The following MCC variants were observed in gnomAD, a reference collection of about 807,000 sequenced individuals.
The protein encoded by MCC is colorectal mutant cancer protein.
MCC carries 90 observed loss-of-function variants against 116.2 expected under a neutral mutation model. That is an observed-to-expected ratio of 0.77 (90% CI 0.65 to 0.92). The LOEUF is 0.92. MCC is among the 40% of genes least tolerant of loss of function. The pLI is 0.00. For synonymous variants in MCC, 578 were observed against 510.5 expected (o/e 1.13, Z -1.78); for missense variants, 1,516 against 1,312.2 (o/e 1.16, Z -2.40).
At chr5:113,433,699 C>T in intron 1 of MCC, 1 of 1,581,884 alleles carries the variant, frequency 6.3e-7, no homozygotes, top group African/African-American at 1.3e-5. Flanking sequence ...GGGCTTTAAG[C>T]CGTGAGCTCC....
chr5:113,289,389 G>C (rs1561508893), intron 3 of MCC, among the ~76,000 whole-genome samples: 1 of 151,788 alleles, frequency 6.6e-6, no homozygotes, highest in Non-Finnish European at 1.5e-5. Flanking sequence ...ACAAGGCTCT[G>C]TCATTTTGTG....
intron 3 of MCC, among the ~76,000 whole-genome samples, chr5:113,279,563 T>C (rs528768121): frequency 1.3e-5 from 2 of 152,378 alleles, no homozygotes; most frequent in African/African-American, 4.8e-5. Context: ...ATGGACTTCG[T>C]ATCTTTGTAA....
rs370859985 is a variant in MCC, at chr5:113,457,087, C to T, written c.170+31158G>A. On this transcript the variant is annotated intron_variant, in intron 1 of 18. Coordinates refer to ENST00000408903, the MANE Select transcript of MCC (RefSeq NM_001085377.2). ...AGCCCACCGCTGCACTGTGGGAGCCCCTTTCTGGGCTGGCCAAGGCCAGAG... is the reference window on the plus strand; with the variant it reads ...AGCCCACCGCTGCACTGTGGGAGCCTCTTTCTGGGCTGGCCAAGGCCAGAG... Among the ~76,000 whole-genome samples the T allele has an allele frequency of 3.1e-3, 466 of 152,328 alleles. 7 individuals are homozygous for T. The highest frequency in any genetic ancestry group is 0.02 in the East Asian group (104 of 5,150).
intron 2 of MCC, among the ~76,000 whole-genome samples, chr5:113,346,477 T>G (rs1001149361): frequency 3.3e-5 from 5 of 152,056 alleles, no homozygotes; most frequent in African/African-American, 1.2e-4. Flanking sequence ...GGTGGGCACC[T>G]GTAATCCCAG....
At chr5:113,199,522 T>C (rs1392954637) in intron 3 of MCC, among the ~76,000 whole-genome samples, 1 of 152,228 alleles carries the variant, frequency 6.6e-6, no homozygotes, top group Non-Finnish European at 1.5e-5. Context: ...GAAAGTTTGC[T>C]GCTTCCAGAT....
At chr5:113,327,701 G>C (rs6874175) in intron 3 of MCC, among the ~76,000 whole-genome samples, 15 of 149,678 alleles carry the variant, frequency 1.0e-4, no homozygotes, top group African/African-American at 3.7e-4. Flanking sequence ...AGAAAACAGA[G>C]CTGGAATTAA....
intron 5 of MCC, among the ~76,000 whole-genome samples, chr5:113,130,127 C>CAT (rs1305830693): frequency 6.6e-6 from 1 of 152,180 alleles, no homozygotes; most frequent in Non-Finnish European, 1.5e-5. Flanking sequence ...AAATGTGGCA[C>CAT]ATATATACCA....
intron 3 of MCC, among the ~76,000 whole-genome samples, chr5:113,155,477 G>T (rs1421815500): frequency 6.6e-6 from 1 of 152,098 alleles, no homozygotes; most frequent in Non-Finnish European, 1.5e-5. Flanking sequence ...TTCCATAATG[G>T]TTGTCCTAAT....
intron 3 of MCC, among the ~76,000 whole-genome samples, chr5:113,167,652 A>G (rs999750801): frequency 3.9e-5 from 6 of 152,050 alleles, no homozygotes; most frequent in African/African-American, 1.2e-4. Flanking sequence ...TTTATTTTTG[A>G]GACAGGGTCT....
intron 3 of MCC, among the ~76,000 whole-genome samples, chr5:113,318,580 A>G (rs1211336596): frequency 6.6e-6 from 1 of 152,224 alleles, no homozygotes; most frequent in African/African-American, 2.4e-5. Flanking sequence ...TAACGCAGGA[A>G]CAGAAAAACA....
chr5:113,364,864 G>A (rs1368205358), intron 2 of MCC, among the ~76,000 whole-genome samples: 1 of 152,170 alleles, frequency 6.6e-6, no homozygotes, highest in East Asian at 1.9e-4. Context: ...GCCAAGTCTG[G>A]AGCTGGAGTA....
At chr5:113,100,464 C>CTTTTTTTTTTTT (rs10649958) in intron 8 of MCC, among the ~76,000 whole-genome samples, 3 of 78,844 alleles carry the variant, frequency 3.8e-5, no homozygotes, top group African/African-American at 1.4e-4. Context: ...GTATTTTTCC[C>CTTTTTTTTTTTT]TTTTTTTTTT....
At chr5:113,102,916 G>T (rs1756511965) in intron 7 of MCC, among the ~76,000 whole-genome samples, 2 of 152,178 alleles carry the variant, frequency 1.3e-5, no homozygotes, top group African/African-American at 4.8e-5. Context: ...AGGAGTTCAA[G>T]ACCAGCCTGA....
At position 113,352,686 on chromosome 5, in the gene MCC, T is replaced by A. The variant is rs1768304583; in HGVS notation, c.416-11956A>T. 3.5e-5 allele frequency among the ~76,000 whole-genome samples: 3 copies of A among 86,840 alleles called. No homozygotes were observed. The South Asian group carries it at 8.4e-4, about 24-fold the overall frequency. 57.0% of individuals were successfully genotyped at this position (86,840 alleles called of 152,430 possible). On this transcript the variant is annotated intron_variant, in intron 2 of 18. Coordinates refer to ENST00000408903, the MANE Select transcript of MCC (RefSeq NM_001085377.2). ...CACGGGGGGCAGTGGGAGAAAGGGT[T>A]CATGAATGCACTCTCTCAAATTTCA...
intron 1 of MCC, among the ~76,000 whole-genome samples, chr5:113,469,751 CT>C (rs1256538009): frequency 6.6e-6 from 1 of 152,146 alleles, no homozygotes; most frequent in Non-Finnish European, 1.5e-5. Flanking sequence ...AACTTTCTGT[CT>C]CGTTGATCTG....
chr5:113,342,455 CA>C (rs1413750238), intron 2 of MCC, among the ~76,000 whole-genome samples: 2 of 152,176 alleles, frequency 1.3e-5, no homozygotes, highest in Non-Finnish European at 2.9e-5. Flanking sequence ...TTGATTAGAG[CA>C]GCTAGTATTA....
At chr5:113,065,117 G>GA (rs2150230420) in intron 13 of MCC, among the ~76,000 whole-genome samples, 1 of 152,290 alleles carries the variant, frequency 6.6e-6, no homozygotes, top group East Asian at 1.9e-4. Flanking sequence ...TGTAACCGTG[G>GA]ACTCAAGTTG....
chr5:113,287,650 T>C (rs1167769110), intron 3 of MCC, among the ~76,000 whole-genome samples: 1 of 152,200 alleles, frequency 6.6e-6, no homozygotes, highest in Non-Finnish European at 1.5e-5. Context: ...AATTTTGCTA[T>C]AAATGCAGGT....
chr5:113,049,956 G>T (rs77864380), intron 15 of MCC, among the ~76,000 whole-genome samples: 8,750 of 152,282 alleles, frequency 0.057, 695 homozygotes, highest in African/African-American at 0.18. Flanking sequence ...AAATGAGAGC[G>T]ATGAGTGGAG....
Sources: gnomAD v4.1 joint callset for allele counts (sites outside exome capture counted in the v4.1 genomes callset) on GRCh38, gnomAD v4.1.1 for gene constraint, MANE v1.5 for transcripts, NCBI Gene and HGNC (gene_info 2026-07-23, HGNC 2026-07-21) for gene names.